Variants in PCOLCE2 observed in about 807,000 individuals in gnomAD.
PCOLCE2 encodes the protein procollagen C-proteinase enhancer 2.
Under a neutral mutation model 47.0 loss-of-function variants are expected in PCOLCE2, and 42 were observed. The observed-to-expected ratio is 0.89, with a 90% CI of 0.70 to 1.16. The LOEUF is 1.16. Among genes scored for constraint, PCOLCE2 ranks in the 50% most tolerant of loss-of-function variants. The probability of loss-of-function intolerance (pLI) is 0.00; values close to 1 mark genes in which losing one functional copy is unlikely to be tolerated. For synonymous variants in PCOLCE2, 169 were observed against 191.7 expected (o/e 0.88, Z 0.98); for missense variants, 500 against 526.1 (o/e 0.95, Z 0.49).
At chr3:142,851,541 A>T (rs114926604) in intron 2 of PCOLCE2, among the ~76,000 whole-genome samples, 2,690 of 152,278 alleles carry the variant, frequency 0.018, 69 homozygotes, top group African/African-American at 0.057. Context: ...TGGGGTGAGG[A>T]CAGTAACAAC....
chr3:142,843,276 G>A, intron 3 of PCOLCE2: 3 of 611,822 alleles, frequency 4.9e-6, no homozygotes, highest in Non-Finnish European at 9.2e-6. Flanking sequence ...AGAGAGGGGA[G>A]AAGTGGACTC....
At chr3:142,888,531 A>G (rs1319980431) in intron 1 of PCOLCE2, 3 of 363,364 alleles carry the variant, frequency 8.3e-6, no homozygotes, top group South Asian at 1.3e-4. Flanking sequence ...GAGGGGAGAC[A>G]CAAGTCAGAT....
In PCOLCE2 at chr3:142,838,903, T is replaced by C; in HGVS notation, c.577A>G (p.Ile193Val). 1 of 1,610,480 alleles carries C rather than the reference T, an allele frequency of 6.2e-7. No homozygotes were observed. Among genetic ancestry groups the C allele is most frequent in the South Asian group, 1.1e-5 (1 of 90,976 alleles). Residue 193 changes from isoleucine to valine, a missense_variant, in exon 5 of 9, where the codon ATA (isoleucine) becomes GTA (valine). By Grantham distance (29) the Ile-to-Val change is conservative. Transcript: ENST00000295992. ...WHIVAPKNQL[I>V]ELKFEKFDVE... ...TCAAACTTCTCAAACTTTAATTCTATAAGCTTTAGAGAAAGCACAATAGAA... is the reference window on the plus strand; with the variant it reads ...TCAAACTTCTCAAACTTTAATTCTACAAGCTTTAGAGAAAGCACAATAGAA...
intron 2 of PCOLCE2, among the ~76,000 whole-genome samples, chr3:142,852,568 C>T (rs1413698374): frequency 6.6e-6 from 1 of 151,476 alleles, no homozygotes; most frequent in Non-Finnish European, 1.5e-5. Flanking sequence ...TTGTCTTCAT[C>T]CCAGGCCCCA....
In PCOLCE2 at chr3:142,848,381, T is replaced by C. The variant is rs1226586187; in HGVS notation, c.284A>G (p.Asn95Ser). 1.2e-5 allele frequency: 20 copies of C among 1,613,974 alleles called. No individual in the cohort carries two copies. The highest frequency in any genetic ancestry group is 2.7e-5 in the African/African-American group (2 of 74,942). Residue 95 changes from asparagine (N) to serine (S), a missense_variant, in exon 3 of 9, where the codon AAT (asparagine) becomes AGT (serine). Coordinates refer to ENST00000295992, the MANE Select transcript of PCOLCE2 (RefSeq NM_013363.4). ...LCRYDFVDVY[N>S]GHANGQRIGR... ...AATGCGCTGGCCATTGGCATGGCCA[T>C]TGTACACATCCACAAAGTCATAGCG...
At chr3:142,875,205 C>T (rs1933472501) in intron 2 of PCOLCE2, among the ~76,000 whole-genome samples, 1 of 152,166 alleles carries the variant, frequency 6.6e-6, no homozygotes, top group African/African-American at 2.4e-5. Context: ...ACCACAAATA[C>T]ACGTATCTTT....
intron 8 of PCOLCE2, among the ~76,000 whole-genome samples, chr3:142,819,651 A>T (rs891084008): frequency 6.6e-6 from 1 of 151,834 alleles, no homozygotes; most frequent in African/African-American, 2.4e-5. Context: ...TTATTTTTAA[A>T]TTTTTTTCTT....
At chr3:142,876,799 T>C (rs148019380) in intron 2 of PCOLCE2, among the ~76,000 whole-genome samples, 242 of 152,300 alleles carry the variant, frequency 1.6e-3, no homozygotes, top group African/African-American at 5.2e-3. Context: ...TCTTATGTTC[T>C]TGCCCCAGAA....
rs112222686 is a variant in PCOLCE2 at position 142,869,687 on chromosome 3, T to C, written c.192+17982A>G. Among the ~76,000 whole-genome samples the C allele has an allele frequency of 6.3e-3, 966 of 152,362 alleles. 8 individuals carry two copies. Among genetic ancestry groups the C allele is most frequent in the Middle Eastern group, 0.027 (8 of 294 alleles). ...CTATTGATTCCAGGTCTTTAGATAC[T>C]AATTTAACTCTTTCAGCCAACTGCC... On this transcript the variant is annotated intron_variant, in intron 2 of 8. Coordinates refer to ENST00000295992, the MANE Select transcript of PCOLCE2 (RefSeq NM_013363.4).
intron 2 of PCOLCE2, among the ~76,000 whole-genome samples, chr3:142,868,806 C>T (rs1243546824): frequency 6.6e-6 from 1 of 152,184 alleles, no homozygotes; most frequent in South Asian, 2.1e-4. Flanking sequence ...TGTGTGCTCA[C>T]CATTGCTCCA....
In PCOLCE2 at chr3:142,821,112, G is replaced by A. The variant is rs1937008561; in HGVS notation, c.950-67C>T. ...AAATGCAAGCAGAACTGAAAAACAA[G>A]TTTACATTCTTCTAAGTTTCAGATA... On this transcript the variant is annotated intron_variant, in intron 7 of 8. Transcript: ENST00000295992. The A allele has an allele frequency of 4.9e-6, 6 of 1,231,018 alleles. No individual in the cohort carries two copies. In the East Asian group the frequency reaches 1.4e-4, roughly 29 times the overall value. 76.3% of individuals were successfully genotyped at this position (1,231,018 alleles called of 1,614,324 possible). A position where few individuals can be genotyped will look rare whatever the true frequency, so the allele number is the denominator to read the frequency against.
intron 2 of PCOLCE2, among the ~76,000 whole-genome samples, chr3:142,886,606 T>C (rs1204636296): frequency 6.6e-6 from 1 of 152,230 alleles, no homozygotes; most frequent in Admixed American, 6.5e-5. Flanking sequence ...GGACCTCTCA[T>C]ATCTGCCTGC....
chr3:142,818,246 A>C lies in PCOLCE2; in HGVS notation c.*89T>G. The stretch of plus-strand genomic sequence containing the variant: ...TTCGGAATCCTCTTTCAGAATATGT[A>C]ATTTTATAAGTATTTTTTTTTCTAC... On this transcript the variant is annotated 3_prime_UTR_variant, in exon 9 of 9. Transcript: ENST00000295992. The C allele has an allele frequency of 8.0e-7, 1 of 1,257,064 alleles. No individual in the cohort carries two copies. The allele number at this position is 1,257,064 out of a possible 1,614,324, so 77.9% of individuals were successfully genotyped here.
At position 142,829,838 on chromosome 3, in the gene PCOLCE2, A is replaced by G; in HGVS notation, c.719T>C (p.Val240Ala). The change falls in exon 6 of 9, where the codon GTG becomes GCG. Residue 240 changes from valine (V) to alanine (A), a missense_variant. Val to Ala is a moderately conservative substitution (Grantham distance 64). Coordinates refer to ENST00000295992, the MANE Select transcript of PCOLCE2 (RefSeq NM_013363.4). The part of the protein sequence containing the change: ...YCGDSPPAPI[V>A]SERNELLIQF... ...AATAAGAAGTTCATTTCTCTCAGAC[A>G]CAATTGGCCTAAAAAAAGAAAAATG... is the stretch of plus-strand genomic sequence containing the variant. The G allele has an allele frequency of 6.4e-7, 1 of 1,566,948 alleles. No homozygotes were observed. Among genetic ancestry groups the G allele is most frequent in the Non-Finnish European group, 8.7e-7 (1 of 1,153,796 alleles).
chr3:142,840,868 G>T (rs999146532), intron 4 of PCOLCE2, among the ~76,000 whole-genome samples: 3 of 152,166 alleles, frequency 2.0e-5, no homozygotes, highest in Non-Finnish European at 4.4e-5. Flanking sequence ...GAGGTCAGGA[G>T]ATCGAGACCA....
At chr3:142,873,616 G>A (rs1037403554) in intron 2 of PCOLCE2, among the ~76,000 whole-genome samples, 6 of 152,040 alleles carry the variant, frequency 3.9e-5, no homozygotes, top group African/African-American at 7.2e-5. Context: ...ACTGACTAGC[G>A]GAATGTAAAC....
intron 2 of PCOLCE2, among the ~76,000 whole-genome samples, chr3:142,883,764 A>G (rs974469136): frequency 2.0e-5 from 3 of 152,198 alleles, no homozygotes; most frequent in African/African-American, 7.2e-5. Context: ...CATTATGGGA[A>G]TTATAAAATG....
At chr3:142,862,354 G>A (rs1346211811) in intron 2 of PCOLCE2, among the ~76,000 whole-genome samples, 5 of 152,102 alleles carry the variant, frequency 3.3e-5, no homozygotes, top group Admixed American at 1.3e-4. Context: ...CCTCTGGCAG[G>A]GGAGTGTTCG....
intron 2 of PCOLCE2, among the ~76,000 whole-genome samples, chr3:142,876,197 TCTCA>T (rs1413353716): frequency 6.6e-6 from 1 of 152,218 alleles, no homozygotes; most frequent in African/African-American, 2.4e-5. Flanking sequence ...GCAGGGACCT[TCTCA>T]CTGTGTGCCC....
Sources: gnomAD v4.1 joint callset for allele counts (sites outside exome capture counted in the v4.1 genomes callset) on GRCh38, gnomAD v4.1.1 for gene constraint, MANE v1.5 for transcripts, NCBI Gene and HGNC (gene_info 2026-07-23, HGNC 2026-07-21) for gene names.